Variants in NCAM2 observed in about 807,000 individuals in gnomAD.
NCAM2 encodes the protein neural cell adhesion molecule 2.
NCAM2 carries 30 observed loss-of-function variants against 98.1 expected under a neutral mutation model. That is an observed-to-expected ratio of 0.31 (90% CI 0.23 to 0.41). The LOEUF is 0.41. Ranked by LOEUF, NCAM2 falls within the 10% of genes least tolerant of loss-of-function variation. NCAM2 has a pLI of 1.00. For missense variants in NCAM2, 867 were observed against 1,005.8 expected (o/e 0.86, Z 1.87); for synonymous variants, 368 against 342.4 (o/e 1.07, Z -0.83).
At chr21:21,077,564 A>G (rs1164572926) in intron 1 of NCAM2, among the ~76,000 whole-genome samples, 1 of 152,188 alleles carries the variant, frequency 6.6e-6, no homozygotes, top group East Asian at 1.9e-4. Flanking sequence ...AAAAACCAGG[A>G]CCTTTGCTTT....
At chr21:21,504,183 A>G (rs1052686662) in intron 15 of NCAM2, among the ~76,000 whole-genome samples, 1 of 151,972 alleles carries the variant, frequency 6.6e-6, no homozygotes. Context: ...TATAAAAAGT[A>G]TACAACCTGG....
chr21:21,019,641 T>A (rs888752209), intron 1 of NCAM2, among the ~76,000 whole-genome samples: 4 of 152,214 alleles, frequency 2.6e-5, no homozygotes, highest in East Asian at 3.8e-4. Flanking sequence ...TTATTTTTTT[T>A]ATTATTTATT....
At chr21:21,178,089 CTGAT>C (rs2068352639) in intron 1 of NCAM2, among the ~76,000 whole-genome samples, 1 of 152,036 alleles carries the variant, frequency 6.6e-6, no homozygotes, top group East Asian at 1.9e-4. Flanking sequence ...GTAATTTTGT[CTGAT>C]TAACTTAAAC....
chr21:21,256,560 C>A (rs2071682125), intron 1 of NCAM2, among the ~76,000 whole-genome samples: 1 of 152,116 alleles, frequency 6.6e-6, no homozygotes, highest in Non-Finnish European at 1.5e-5. Context: ...GTCTTCCACA[C>A]TCAGATTCTG....
intron 3 of NCAM2, among the ~76,000 whole-genome samples, chr21:21,285,361 A>G (rs2073063934): frequency 6.6e-6 from 1 of 151,808 alleles, no homozygotes; most frequent in Non-Finnish European, 1.5e-5. Context: ...CTGTTTGATG[A>G]CCAACGCAAT....
chr21:21,035,936 C>T (rs970823769), intron 1 of NCAM2, among the ~76,000 whole-genome samples: 1 of 152,106 alleles, frequency 6.6e-6, no homozygotes, highest in African/African-American at 2.4e-5. Context: ...AGATTTGGAG[C>T]ACATACTAAT....
intron 9 of NCAM2, among the ~76,000 whole-genome samples, chr21:21,376,778 T>C (rs2076042069): frequency 6.6e-6 from 1 of 151,786 alleles, no homozygotes; most frequent in African/African-American, 2.4e-5. Flanking sequence ...TGTTTCTGCT[T>C]AATTATTCCA....
intron 15 of NCAM2, among the ~76,000 whole-genome samples, chr21:21,499,299 T>G (rs1987465588): frequency 1.3e-5 from 2 of 152,166 alleles, no homozygotes; most frequent in African/African-American, 4.8e-5. Flanking sequence ...TGGAGTGCAG[T>G]GGCGTGATCT....
At chr21:21,534,441 A>T in intron 16 of NCAM2, 96 bp from the exon 17 acceptor site, 1 of 1,028,172 alleles carries the variant, frequency 9.7e-7, no homozygotes. Flanking sequence ...ATTTATTTGG[A>T]GGAAGGTAGA....
intron 1 of NCAM2, among the ~76,000 whole-genome samples, chr21:21,239,924 A>C (rs1298934969): frequency 6.6e-6 from 1 of 152,066 alleles, no homozygotes; most frequent in Non-Finnish European, 1.5e-5. Flanking sequence ...CTTCCAAAGG[A>C]TACTTGGCTC....
chr21:21,500,086 C>CA (rs1392975834), intron 15 of NCAM2, among the ~76,000 whole-genome samples: 1 of 152,042 alleles, frequency 6.6e-6, no homozygotes, highest in African/African-American at 2.4e-5. Context: ...TAGATATATA[C>CA]AGGAAACAAT....
chr21:21,171,073 C>T (rs907680654), intron 1 of NCAM2, among the ~76,000 whole-genome samples: 5 of 152,152 alleles, frequency 3.3e-5, no homozygotes, highest in Admixed American at 6.6e-5. Context: ...TGTGGTAATA[C>T]ATTTATAATG....
Position 21,156,416 on chromosome 21 carries a change from G to C in NCAM2, c.56-124162G>C, listed in dbSNP as rs371206403. 1.2e-4 allele frequency among the ~76,000 whole-genome samples: 19 copies of C among 152,028 alleles called. No homozygotes were observed. In the South Asian group the frequency reaches 3.9e-3, roughly 32 times the overall value. ...AATAAATGTTTGCCCTACCTATTTA[G>C]TCTGGGTATGCAGAGTATATAGGAC... On this transcript the variant is annotated intron_variant, in intron 1 of 17. Coordinates refer to ENST00000400546, the MANE Select transcript of NCAM2 (RefSeq NM_004540.5).
At chr21:21,349,071 A>G (rs1455569294) in intron 8 of NCAM2, among the ~76,000 whole-genome samples, 1 of 152,156 alleles carries the variant, frequency 6.6e-6, no homozygotes, top group African/African-American at 2.4e-5. Context: ...CAACCAAAGC[A>G]AACGTAGACA....
chr21:21,456,596 C>A (rs1250411420), intron 12 of NCAM2, among the ~76,000 whole-genome samples: 4 of 152,070 alleles, frequency 2.6e-5, no homozygotes, highest in Non-Finnish European at 5.9e-5. Context: ...ATGCAAAAAT[C>A]AACTCAAAAT....
At chr21:21,527,957 A>G (rs1989418260) in intron 16 of NCAM2, among the ~76,000 whole-genome samples, 1 of 152,232 alleles carries the variant, frequency 6.6e-6, no homozygotes, top group Admixed American at 6.5e-5. Flanking sequence ...AACATCCTTC[A>G]GTAGGTAAAT....
At chr21:21,383,419 C>T (rs562531270) in intron 9 of NCAM2, among the ~76,000 whole-genome samples, 5 of 152,262 alleles carry the variant, frequency 3.3e-5, no homozygotes, top group African/African-American at 1.2e-4. Flanking sequence ...TTCCAAGATA[C>T]CTCTGTCCTT....
chr21:21,154,901 T>C (rs552735542), intron 1 of NCAM2, among the ~76,000 whole-genome samples: 63 of 151,932 alleles, frequency 4.1e-4, no homozygotes, highest in African/African-American at 1.2e-3. Context: ...CGTACCACCA[T>C]CTGGAAAAGT....
chr21:21,104,507 C>A (rs1301082264), intron 1 of NCAM2, among the ~76,000 whole-genome samples: 2 of 152,070 alleles, frequency 1.3e-5, no homozygotes, highest in African/African-American at 4.8e-5. Flanking sequence ...TGTAAATATT[C>A]TTTGCTCTTG....
Sources: allele counts gnomAD v4.1 joint callset (sites outside exome capture counted in the v4.1 genomes callset), GRCh38; gene constraint gnomAD v4.1.1; transcripts MANE v1.5; gene names NCBI Gene and HGNC (gene_info 2026-07-23, HGNC 2026-07-21).